The following YTHDC2 variants were observed in gnomAD, a reference collection of about 807,000 sequenced individuals.
YTHDC2 encodes 3'-5' RNA helicase YTHDC2.
YTHDC2 carries 45 observed loss-of-function variants against 174.9 expected under a neutral mutation model. The observed-to-expected ratio is 0.26, with a 90% CI of 0.20 to 0.33. YTHDC2 has a LOEUF of 0.33. YTHDC2 is among the 10% of genes least tolerant of loss of function. The probability of loss-of-function intolerance (pLI) is 1.00; values close to 1 mark genes in which losing one functional copy is unlikely to be tolerated. For synonymous variants in YTHDC2, 657 were observed against 574.5 expected (o/e 1.14, Z -2.05); for missense variants, 1,650 against 1,723.7 (o/e 0.96, Z 0.76).
At chr5:113,538,068 C>A (rs931866931) in intron 7 of YTHDC2, among the ~76,000 whole-genome samples, 10 of 152,162 alleles carry the variant, frequency 6.6e-5, no homozygotes, top group Non-Finnish European at 1.3e-4. Context: ...AGCCAGACAT[C>A]AAAGGACTAT....
At chr5:113,526,971 G>C (rs1774302345) in intron 4 of YTHDC2, among the ~76,000 whole-genome samples, 186 bp downstream of exon 4, 1 of 151,646 alleles carries the variant, frequency 6.6e-6, no homozygotes, top group Non-Finnish European at 1.5e-5. Context: ...AATATATTTG[G>C]AGAATTTGTA....
intron 14 of YTHDC2, 30 bp from the exon 15 acceptor site, chr5:113,553,737 T>C (rs779121801): frequency 6.8e-6 from 11 of 1,612,524 alleles, no homozygotes; most frequent in Middle Eastern, 1.7e-4. Context: ...ACAGGTCTTA[T>C]AGTATGTTTT....
At chr5:113,560,628 T>C (rs968438533) in intron 17 of YTHDC2, among the ~76,000 whole-genome samples, 1 of 152,216 alleles carries the variant, frequency 6.6e-6, no homozygotes, top group African/African-American at 2.4e-5. Flanking sequence ...TGCTGCTTCA[T>C]AGAAAATTAT....
At chr5:113,542,594 G>A in intron 10 of YTHDC2, 91 bp downstream of exon 10, 1 of 1,186,558 alleles carries the variant, frequency 8.4e-7, no homozygotes, top group Non-Finnish European at 1.1e-6. Context: ...ACCAATAATT[G>A]CACAACCAAA....
At chr5:113,568,293 T>TA (rs1281941246) in intron 23 of YTHDC2, among the ~76,000 whole-genome samples, 2 of 152,236 alleles carry the variant, frequency 1.3e-5, no homozygotes, top group South Asian at 2.1e-4. Flanking sequence ...ATATCAAAAA[T>TA]ATTTTTAGTA....
chr5:113,574,934 G>A (rs148369479), intron 23 of YTHDC2, among the ~76,000 whole-genome samples: 478 of 152,286 alleles, frequency 3.1e-3, no homozygotes, highest in Non-Finnish European at 4.9e-3. Flanking sequence ...GTGGTTTCCC[G>A]GGAGGGGTCA....
intron 26 of YTHDC2, among the ~76,000 whole-genome samples, chr5:113,588,454 C>A: frequency 6.6e-6 from 1 of 151,670 alleles, no homozygotes; most frequent in South Asian, 2.1e-4. Context: ...TCTTATGTAT[C>A]TTTGTATGGT....
At chr5:113,584,773 C>CTT (rs34217644) in intron 26 of YTHDC2, among the ~76,000 whole-genome samples, 4,602 of 95,704 alleles carry the variant, frequency 0.048, 450 homozygotes, top group African/African-American at 0.1. Flanking sequence ...CTTTCGAATC[C>CTT]TTTTTTTTTT....
intron 23 of YTHDC2, among the ~76,000 whole-genome samples, chr5:113,576,670 G>T (rs777339789): frequency 1.3e-5 from 2 of 151,872 alleles, no homozygotes; most frequent in African/African-American, 2.4e-5. Flanking sequence ...AACTCTCCAT[G>T]CATTTCTTTA....
chr5:113,567,686 T>A lies in YTHDC2; in HGVS notation c.3081T>A (p.Ile1027=). Residue 1027 remains isoleucine, a synonymous_variant, in exon 23 of 30, where the codon ATT becomes ATA. Transcript: ENST00000161863. ...IPPANGQAAA[I]KALPTDWLIY... ...CAGCCAATGGTCAAGCTGCAGCAAT[T>A]AAGGCACTGCCCACAGATTGGCTTA... The A allele has an allele frequency of 6.2e-7, 1 of 1,606,396 alleles. No individual in the cohort carries two copies. Among genetic ancestry groups the A allele is most frequent in the Non-Finnish European group, 8.5e-7 (1 of 1,177,290 alleles).
At chr5:113,555,358 A>G (rs1776535449) in intron 16 of YTHDC2, among the ~76,000 whole-genome samples, 1 of 152,136 alleles carries the variant, frequency 6.6e-6, no homozygotes, top group East Asian at 1.9e-4. Flanking sequence ...TGCTCTATGC[A>G]GTTATTTTAT....
At chr5:113,581,956 G>A (rs1047000457) in intron 25 of YTHDC2, 6 of 279,626 alleles carry the variant, frequency 2.1e-5, no homozygotes, top group African/African-American at 1.1e-4. Context: ...TCTTTGTCAG[G>A]AAAAGGTCAA....
chr5:113,531,591 T>C (rs1033421568), intron 4 of YTHDC2, among the ~76,000 whole-genome samples: 1 of 152,012 alleles, frequency 6.6e-6, no homozygotes, highest in Non-Finnish European at 1.5e-5. Context: ...CCAAACACTT[T>C]ATGCAACCCC....
intron 23 of YTHDC2, among the ~76,000 whole-genome samples, chr5:113,571,269 A>G (rs111951990): frequency 0.036 from 5,506 of 152,136 alleles, 143 homozygotes; most frequent in African/African-American, 0.071. Flanking sequence ...TGTTTATGTG[A>G]TGAATTATGT....
At chr5:113,540,889 ATAAT>A in intron 8 of YTHDC2, 75 bp from the exon 9 acceptor site, 1 of 1,387,430 alleles carries the variant, frequency 7.2e-7, no homozygotes, top group Non-Finnish European at 9.8e-7. Flanking sequence ...CCAGATTCCC[ATAAT>A]TTATTTAAAC....
intron 12 of YTHDC2, among the ~76,000 whole-genome samples, chr5:113,549,815 C>T (rs1289538051): frequency 6.6e-6 from 1 of 151,928 alleles, no homozygotes. Flanking sequence ...TTGTCTATCT[C>T]TTCTCCCTAC....
At chr5:113,531,666 C>G (rs746666677) in intron 4 of YTHDC2, among the ~76,000 whole-genome samples, 7 of 151,766 alleles carry the variant, frequency 4.6e-5, no homozygotes, top group African/African-American at 1.7e-4. Context: ...TCATCCTGAC[C>G]GAGCCCCCAC....
chr5:113,581,918 A>G, intron 25 of YTHDC2: 2 of 370,768 alleles, frequency 5.4e-6, no homozygotes, highest in Non-Finnish European at 9.2e-6. Flanking sequence ...TAAACTATTG[A>G]TATCTGTGAG....
chr5:113,566,930 G>A (rs1245900497), intron 21 of YTHDC2, among the ~76,000 whole-genome samples, 162 bp from the exon 22 acceptor site: 1 of 152,128 alleles, frequency 6.6e-6, no homozygotes, highest in Non-Finnish European at 1.5e-5. Context: ...AGGGTGGGGA[G>A]GGGTGGTTCA....
Sources: gnomAD v4.1 joint callset for allele counts (sites outside exome capture counted in the v4.1 genomes callset) on GRCh38, gnomAD v4.1.1 for gene constraint, MANE v1.5 for transcripts, NCBI Gene and HGNC (gene_info 2026-07-23, HGNC 2026-07-21) for gene names.